ATXN7L1: variants seen among roughly 807,000 people sequenced by gnomAD.
ATXN7L1 encodes the protein ataxin 7 like 1, also known as ataxin-7-like protein 1.
ATXN7L1 carries 15 observed loss-of-function variants against 70.8 expected under a neutral mutation model. That is an observed-to-expected ratio of 0.21 (90% confidence interval 0.14 to 0.33). ATXN7L1 has a LOEUF of 0.33. ATXN7L1 is among the 10% of genes least tolerant of loss of function. The probability of loss-of-function intolerance (pLI) is 1.00; values close to 1 mark genes in which losing one functional copy is unlikely to be tolerated. For synonymous variants in ATXN7L1, 440 were observed against 445.1 expected, an observed-to-expected ratio of 0.99 and a Z score of 0.14; for missense variants, 975 against 1,097.1, an observed-to-expected ratio of 0.89 and a Z score of 1.57.
In ATXN7L1 at chr7:105,630,485, G is replaced by T. The variant is rs559454063; in HGVS notation, c.1203-6218C>A. 1.3e-4 allele frequency among the ~76,000 whole-genome samples: 20 copies of T among 152,240 alleles called. No individual in the cohort carries two copies. In the East Asian group the frequency reaches 3.5e-3, roughly 26 times the overall value. On this transcript the variant is annotated intron_variant, in intron 7 of 11. Coordinates refer to ENST00000419735, the MANE Select transcript of ATXN7L1 (RefSeq NM_020725.2). ...TAAAAAATATTTTTTGGCGTAGAGG[G>T]CTTTTGGAATGCTTTTCCTCACTTT...
At chr7:105,742,157 C>G (rs920564075) in intron 3 of ATXN7L1, among the ~76,000 whole-genome samples, 1 of 152,200 alleles carries the variant, frequency 6.6e-6, no homozygotes, top group Non-Finnish European at 1.5e-5. Context: ...CTTTCAAGAG[C>G]TAGAACTTCA....
chr7:105,743,956 C>G (rs891371040), intron 3 of ATXN7L1, among the ~76,000 whole-genome samples: 1 of 152,156 alleles, frequency 6.6e-6, no homozygotes, highest in Non-Finnish European at 1.5e-5. Context: ...TTGAGCAAAG[C>G]AAAGCAAGGA....
At chr7:105,757,591 T>G (rs1045659825) in intron 3 of ATXN7L1, among the ~76,000 whole-genome samples, 1 of 147,094 alleles carries the variant, frequency 6.8e-6, no homozygotes, top group Non-Finnish European at 1.5e-5. Context: ...TTTTTTTTTT[T>G]TTTTTTTGAG....
chr7:105,753,542 G>T (rs530910967), intron 3 of ATXN7L1, among the ~76,000 whole-genome samples: 1 of 152,296 alleles, frequency 6.6e-6, no homozygotes, highest in Admixed American at 6.5e-5. Flanking sequence ...AAAGAGGTCT[G>T]CTGGAGTGTG....
chr7:105,626,025 C>T (rs1297660893), intron 7 of ATXN7L1, among the ~76,000 whole-genome samples: 5 of 152,202 alleles, frequency 3.3e-5, no homozygotes, highest in Non-Finnish European at 7.3e-5. Context: ...CTTATTTTCA[C>T]CCTGGATACT....
rs190555884 is a variant in ATXN7L1, at chr7:105,663,840, G to A, written c.578+1226C>T. ...GAGCGCAGTGGCACAATCTCGGCTC[G>A]CTGCAACCTCTGCCTCCCGGGTTGA... On this transcript the variant is annotated intron_variant, in intron 4 of 11. Transcript: ENST00000419735. Among the ~76,000 whole-genome samples, 27 of 151,914 alleles carry A rather than the reference G, an allele frequency of 1.8e-4. 1 individual carries two copies. Among genetic ancestry groups the A allele is most frequent in the Admixed American group, 1.4e-3 (22 of 15,246 alleles).
intron 3 of ATXN7L1, among the ~76,000 whole-genome samples, chr7:105,775,576 T>C (rs1015334721): frequency 2.6e-5 from 4 of 152,076 alleles, no homozygotes; most frequent in African/African-American, 9.7e-5. Context: ...TACATGGGAT[T>C]GGGTTCTAGT....
intron 3 of ATXN7L1, among the ~76,000 whole-genome samples, chr7:105,682,096 G>A (rs894352296): frequency 2.6e-5 from 4 of 152,030 alleles, no homozygotes; most frequent in Non-Finnish European, 4.4e-5. Flanking sequence ...GTGGTGGTGT[G>A]CACCTGTAGT....
At chr7:105,807,544 C>G (rs769601200) in intron 2 of ATXN7L1, among the ~76,000 whole-genome samples, 4 of 152,240 alleles carry the variant, frequency 2.6e-5, no homozygotes, top group African/African-American at 4.8e-5. Context: ...TTGGGTTCCC[C>G]CTTTTCACAT....
intron 2 of ATXN7L1, among the ~76,000 whole-genome samples, chr7:105,861,675 C>T (rs1238623942): frequency 6.6e-6 from 1 of 152,110 alleles, no homozygotes; most frequent in Admixed American, 6.5e-5. Flanking sequence ...ACACAGGGAC[C>T]ACCTGGGGTG....
At chr7:105,780,374 C>T (rs1007130742) in intron 3 of ATXN7L1, among the ~76,000 whole-genome samples, 4 of 152,136 alleles carry the variant, frequency 2.6e-5, no homozygotes, top group Non-Finnish European at 5.9e-5. Flanking sequence ...AGCCTCTCTG[C>T]TTTAGCTCAC....
chr7:105,841,109 G>C (rs146857907), intron 2 of ATXN7L1, among the ~76,000 whole-genome samples: 1 of 152,216 alleles, frequency 6.6e-6, no homozygotes, highest in Admixed American at 6.5e-5. Context: ...TGTGCGTGCT[G>C]CACAGTGTTT....
At chr7:105,612,154 A>G (rs576740005) in intron 10 of ATXN7L1, among the ~76,000 whole-genome samples, 1 of 152,334 alleles carries the variant, frequency 6.6e-6, no homozygotes, top group Non-Finnish European at 1.5e-5. Context: ...CATGGAGGCT[A>G]AGAGGCCAGA....
chr7:105,615,876 C>T (rs996733523), intron 9 of ATXN7L1, among the ~76,000 whole-genome samples: 14 of 152,184 alleles, frequency 9.2e-5, no homozygotes, highest in African/African-American at 3.4e-4. Flanking sequence ...CTCTTGGGGC[C>T]TCCCTGCAAA....
chr7:105,644,452 G>T (rs1214481046), intron 4 of ATXN7L1, among the ~76,000 whole-genome samples: 6 of 152,148 alleles, frequency 3.9e-5, no homozygotes, highest in Non-Finnish European at 7.3e-5. Flanking sequence ...GTGACCTGGG[G>T]CTTCAAGTCC....
At chr7:105,819,839 G>T in intron 2 of ATXN7L1, 1 of 620,302 alleles carries the variant, frequency 1.6e-6, no homozygotes, top group South Asian at 1.4e-5. Flanking sequence ...ATGAAAAAGC[G>T]GATGGTGGTT....
intron 2 of ATXN7L1, among the ~76,000 whole-genome samples, chr7:105,825,929 A>G (rs1310906486): frequency 6.6e-6 from 1 of 152,230 alleles, no homozygotes; most frequent in African/African-American, 2.4e-5. Context: ...GAGAAGCCAT[A>G]GGGAAGGGAT....
intron 3 of ATXN7L1, among the ~76,000 whole-genome samples, chr7:105,683,767 G>A (rs900925906): frequency 5.3e-5 from 8 of 151,814 alleles, no homozygotes; most frequent in East Asian, 1.9e-4. Flanking sequence ...GCACACACAC[G>A]AACACAGGCT....
chr7:105,719,945 C>T (rs528759995), intron 3 of ATXN7L1, among the ~76,000 whole-genome samples: 5 of 152,310 alleles, frequency 3.3e-5, no homozygotes, highest in African/African-American at 4.8e-5. Flanking sequence ...TCTCTTCAGC[C>T]GTGACCCCAC....
Sources: gnomAD v4.1 joint callset for allele counts (sites outside exome capture counted in the v4.1 genomes callset) on GRCh38, gnomAD v4.1.1 for gene constraint, MANE v1.5 for transcripts, NCBI Gene and HGNC (gene_info 2026-07-23, HGNC 2026-07-21) for gene names.